The following FCHSD2 variants were observed in gnomAD, a reference collection of about 807,000 sequenced individuals.
The protein encoded by FCHSD2 is F-BAR and double SH3 domains protein 2.
FCHSD2 carries 38 observed loss-of-function variants against 108.1 expected under a neutral mutation model. The ratio of observed to expected loss-of-function variants is 0.35; its 90% CI spans 0.27 to 0.46. The LOEUF (loss-of-function observed/expected upper bound fraction) is 0.46, where lower values mean the gene tolerates loss of function less well. FCHSD2 is among the 20% of genes least tolerant of loss of function. The probability of loss-of-function intolerance (pLI) is 1.00; values close to 1 mark genes in which losing one functional copy is unlikely to be tolerated. For synonymous variants in FCHSD2, 279 were observed against 314.7 expected (o/e 0.89, Z 1.20); for missense variants, 751 against 897.8 (o/e 0.84, Z 2.09).
chr11:73,045,988 A>ATTT (rs11289761), intron 3 of FCHSD2, among the ~76,000 whole-genome samples: 3 of 136,680 alleles, frequency 2.2e-5, no homozygotes, highest in Non-Finnish European at 4.7e-5. Flanking sequence ...AATTTCAGTA[A>ATTT]TTTTTTTTTT....
chr11:73,092,184 T>C (rs1277777870), intron 2 of FCHSD2, among the ~76,000 whole-genome samples: 1 of 152,144 alleles, frequency 6.6e-6, no homozygotes, highest in African/African-American at 2.4e-5. Flanking sequence ...CTGGAGTACA[T>C]TGGTGCGATC....
intron 5 of FCHSD2, among the ~76,000 whole-genome samples, chr11:72,991,712 G>A (rs1011561382): frequency 1.5e-4 from 23 of 152,042 alleles, no homozygotes; most frequent in Non-Finnish European, 2.2e-4. Flanking sequence ...ATTCAACAAC[G>A]CTTCATTCTA....
At chr11:73,079,200 A>ATT (rs775568668) in intron 3 of FCHSD2, among the ~76,000 whole-genome samples, 3 of 143,358 alleles carry the variant, frequency 2.1e-5, no homozygotes, top group Non-Finnish European at 3.1e-5. Flanking sequence ...AAGAGAAATA[A>ATT]TTTTTTTTTT....
At chr11:72,936,974 T>C (rs77041803) in intron 8 of FCHSD2, among the ~76,000 whole-genome samples, 3,412 of 152,276 alleles carry the variant, frequency 0.022, 130 homozygotes, top group African/African-American at 0.076. Flanking sequence ...GTGTATGGGC[T>C]ATATATTCCT....
At chr11:73,006,073 AT>A (rs575155020) in intron 4 of FCHSD2, among the ~76,000 whole-genome samples, 32 of 147,276 alleles carry the variant, frequency 2.2e-4, no homozygotes, top group South Asian at 2.2e-4. Context: ...GCATGTGGCT[AT>A]TTTTTTTTTT....
At chr11:72,873,002 C>T (rs1338436510) in intron 12 of FCHSD2, among the ~76,000 whole-genome samples, 1 of 152,174 alleles carries the variant, frequency 6.6e-6, no homozygotes, top group Non-Finnish European at 1.5e-5. Flanking sequence ...TGGTATCTTA[C>T]TGTTGTTTGC....
chr11:73,017,507 A>G (rs1023724156), intron 3 of FCHSD2, among the ~76,000 whole-genome samples: 1 of 152,146 alleles, frequency 6.6e-6, no homozygotes, highest in African/African-American at 2.4e-5. Flanking sequence ...CCTTTCTATT[A>G]AGGTCTGCTG....
At chr11:73,114,685 A>T (rs1860564858) in intron 2 of FCHSD2, among the ~76,000 whole-genome samples, 1 of 152,044 alleles carries the variant, frequency 6.6e-6, no homozygotes, top group Non-Finnish European at 1.5e-5. Context: ...TCTTCAAGGC[A>T]GGAGTTTCCC....
chr11:72,841,610 C>T (rs762585135), intron 17 of FCHSD2, 27 bp from the exon 18 acceptor site: 110 of 1,568,212 alleles, frequency 7.0e-5, no homozygotes, highest in Non-Finnish European at 8.7e-5. Flanking sequence ...CGAGGTTACC[C>T]GGTGCTCCCC....
intron 6 of FCHSD2, among the ~76,000 whole-genome samples, chr11:72,988,564 T>G (rs1220535945): frequency 6.6e-6 from 1 of 152,190 alleles, no homozygotes; most frequent in African/African-American, 2.4e-5. Flanking sequence ...GGACCTTCAG[T>G]GGCATCCTGA....
At chr11:72,891,637 T>A (rs1426962756) in intron 10 of FCHSD2, among the ~76,000 whole-genome samples, 1 of 152,260 alleles carries the variant, frequency 6.6e-6, no homozygotes, top group Admixed American at 6.5e-5. Flanking sequence ...AGGAATGTGA[T>A]CTGTAAAAGT....
intron 13 of FCHSD2, among the ~76,000 whole-genome samples, chr11:72,854,479 T>C (rs978896273): frequency 6.6e-6 from 1 of 152,238 alleles, no homozygotes; most frequent in Non-Finnish European, 1.5e-5. Context: ...CTGCCCAAGC[T>C]GGAGTGCAAT....
intron 8 of FCHSD2, among the ~76,000 whole-genome samples, chr11:72,953,167 G>GTA (rs1334532771): frequency 6.6e-6 from 1 of 152,194 alleles, no homozygotes; most frequent in African/African-American, 2.4e-5. Flanking sequence ...GAAAGAAAAG[G>GTA]TATAGTTAGA....
At chr11:73,029,906 T>C (rs779186982) in intron 3 of FCHSD2, among the ~76,000 whole-genome samples, 47 of 152,278 alleles carry the variant, frequency 3.1e-4, no homozygotes, top group Middle Eastern at 3.4e-3. Flanking sequence ...AGACTACTTA[T>C]GTTAATCAAA....
At chr11:73,057,118 A>G (rs753132953) in intron 3 of FCHSD2, among the ~76,000 whole-genome samples, 3 of 152,062 alleles carry the variant, frequency 2.0e-5, no homozygotes, top group Non-Finnish European at 2.9e-5. Flanking sequence ...AATAAATAAA[A>G]TCCATAGGTT....
Position 72,950,731 on chromosome 11 carries a change from G to A in FCHSD2, c.706-28781C>T, listed in dbSNP as rs574787373. On this transcript the variant is annotated intron_variant, in intron 8 of 19. Coordinates refer to ENST00000409418, the MANE Select transcript of FCHSD2 (RefSeq NM_014824.3). Reference sequence around the variant, plus strand: ...GGATATTTTAATTTTTCATTTATAAGAATACTTAACTCCCACATTATCATT... The same window carrying A: ...GGATATTTTAATTTTTCATTTATAAAAATACTTAACTCCCACATTATCATT... Among the ~76,000 whole-genome samples the A allele has an allele frequency of 2.0e-5, 3 of 152,170 alleles. No homozygotes were observed. In the East Asian group the frequency reaches 5.8e-4, roughly 29 times the overall value.
chr11:73,016,302 CA>C (rs113309736), intron 3 of FCHSD2, among the ~76,000 whole-genome samples: 6,380 of 81,294 alleles, frequency 0.078, 318 homozygotes, highest in African/African-American at 0.21. Context: ...GGCTCTGTCT[CA>C]AAAAAAAAAA....
chr11:72,965,416 C>T (rs1856890169), intron 8 of FCHSD2, among the ~76,000 whole-genome samples: 1 of 152,184 alleles, frequency 6.6e-6, no homozygotes, highest in South Asian at 2.1e-4. Flanking sequence ...CTTTCAATGC[C>T]TTACATTCTA....
intron 2 of FCHSD2, among the ~76,000 whole-genome samples, chr11:73,099,252 A>G (rs966154686): frequency 5.3e-5 from 8 of 151,870 alleles, no homozygotes; most frequent in Non-Finnish European, 7.4e-5. Context: ...CTTCCTACCC[A>G]CTAGGATGGC....
Sources: allele counts gnomAD v4.1 joint callset (sites outside exome capture counted in the v4.1 genomes callset), GRCh38; gene constraint gnomAD v4.1.1; transcripts MANE v1.5; gene names NCBI Gene and HGNC (gene_info 2026-07-23, HGNC 2026-07-21).